Variants in PIAS1 observed in about 807,000 individuals in gnomAD.
The protein encoded by PIAS1 is E3 SUMO-protein ligase PIAS1.
Under a neutral mutation model 71.3 loss-of-function variants are expected in PIAS1, and 6 were observed. The observed-to-expected ratio is 0.08, with a 90% CI of 0.05 to 0.17. PIAS1 has a LOEUF of 0.17. PIAS1 is among the 10% of genes least tolerant of loss of function. The probability of loss-of-function intolerance (pLI) is 1.00; values close to 1 mark genes in which losing one functional copy is unlikely to be tolerated. For synonymous variants in PIAS1, 303 were observed against 292.9 expected (o/e 1.03, Z -0.35); for missense variants, 555 against 793.6 (o/e 0.70, Z 3.61).
chr15:68,111,737 T>G (rs2092524679), intron 2 of PIAS1, among the ~76,000 whole-genome samples: 1 of 152,128 alleles, frequency 6.6e-6, no homozygotes, highest in African/African-American at 2.4e-5. Flanking sequence ...CATTAAGATT[T>G]TATTGTGGAG....
At chr15:68,158,935 A>G (rs1356370476) in intron 7 of PIAS1, among the ~76,000 whole-genome samples, 2 of 152,208 alleles carry the variant, frequency 1.3e-5, no homozygotes, top group Non-Finnish European at 2.9e-5. Flanking sequence ...TGGCTAGTTT[A>G]ACGGATGAGC....
At chr15:68,062,853 T>A (rs1212134779) in intron 1 of PIAS1, among the ~76,000 whole-genome samples, 1 of 152,180 alleles carries the variant, frequency 6.6e-6, no homozygotes, top group Non-Finnish European at 1.5e-5. Context: ...TTTTTTACAA[T>A]AGATAGTGAA....
At chr15:68,092,041 G>A (rs905782742) in intron 2 of PIAS1, among the ~76,000 whole-genome samples, 2 of 152,010 alleles carry the variant, frequency 1.3e-5, no homozygotes, top group African/African-American at 4.8e-5. Flanking sequence ...ACCTTCTCAG[G>A]GGATGTCTTT....
At chr15:68,175,861 C>A in intron 10 of PIAS1, 94 bp downstream of exon 10, 1 of 781,494 alleles carries the variant, frequency 1.3e-6, no homozygotes, top group Non-Finnish European at 1.8e-6. Flanking sequence ...AATCACTGAG[C>A]AGTTTGTGGA....
intron 2 of PIAS1, chr15:68,087,893 G>T: frequency 6.4e-6 from 2 of 313,288 alleles, no homozygotes; most frequent in Non-Finnish European, 1.3e-5. Flanking sequence ...CAAACAACGT[G>T]AGTTTTGTAT....
chr15:68,083,020 G>A (rs978543252), intron 1 of PIAS1, among the ~76,000 whole-genome samples: 1 of 152,068 alleles, frequency 6.6e-6, no homozygotes, highest in Non-Finnish European at 1.5e-5. Flanking sequence ...AAATCCCCTA[G>A]GATTCTGAGA....
At chr15:68,163,974 A>T (rs1416015821) in intron 7 of PIAS1, among the ~76,000 whole-genome samples, 2 of 152,218 alleles carry the variant, frequency 1.3e-5, no homozygotes. Context: ...GATGAGAAGT[A>T]TAAAGAGTCT....
chr15:68,098,378 T>C (rs1055129315), intron 2 of PIAS1, among the ~76,000 whole-genome samples: 19 of 152,102 alleles, frequency 1.2e-4, no homozygotes, highest in African/African-American at 4.4e-4. Context: ...GTTTTCATAC[T>C]TGTTATGTTT....
intron 2 of PIAS1, among the ~76,000 whole-genome samples, chr15:68,087,266 A>G (rs149069165): frequency 2.0e-4 from 30 of 152,306 alleles, no homozygotes; most frequent in Admixed American, 1.6e-3. Flanking sequence ...ATGCACATGC[A>G]CATGCACACT....
intron 8 of PIAS1, among the ~76,000 whole-genome samples, chr15:68,169,667 A>G (rs185333095): frequency 5.9e-5 from 9 of 152,346 alleles, no homozygotes; most frequent in African/African-American, 2.2e-4. Flanking sequence ...GAAGCTGTTT[A>G]ATACTTTGTG....
At chr15:68,063,497 T>C (rs1272447327) in intron 1 of PIAS1, among the ~76,000 whole-genome samples, 1 of 152,224 alleles carries the variant, frequency 6.6e-6, no homozygotes, top group Non-Finnish European at 1.5e-5. Flanking sequence ...TTGTTATTTA[T>C]TAAAGAATTA....
chr15:68,164,628 G>T, intron 7 of PIAS1, 103 bp from the exon 8 acceptor site: 1 of 567,310 alleles, frequency 1.8e-6, no homozygotes. Flanking sequence ...GGAAATAATT[G>T]AACAGATTTG....
Position 68,173,308 on chromosome 15 carries a change from T to C in PIAS1, c.1009-424T>C, listed in dbSNP as rs2093002920. ...AGTTTGAGGCTGTAGTGTGCTACGA[T>C]TGTGCCTGTGAATAAGAGTTGGCAC... On this transcript the variant is annotated intron_variant, in intron 8 of 13. Coordinates refer to ENST00000249636, the MANE Select transcript of PIAS1 (RefSeq NM_016166.3). This position sits in a 1 kb window ranked among gnomAD's most constrained non-coding sequence, Gnocchi z 4.3. Among the ~76,000 whole-genome samples the C allele has an allele frequency of 1.3e-5, 2 of 152,112 alleles. No individual in the cohort carries two copies. Among genetic ancestry groups the C allele is most frequent in the Admixed American group, 6.5e-5 (1 of 15,284 alleles).
intron 2 of PIAS1, among the ~76,000 whole-genome samples, chr15:68,139,510 A>G (rs2092755499): frequency 6.6e-6 from 1 of 152,220 alleles, no homozygotes; most frequent in Admixed American, 6.5e-5. Context: ...CATATAGGAC[A>G]TTCCCAGTAC....
chr15:68,104,084 T>A (rs2092450372), intron 2 of PIAS1, among the ~76,000 whole-genome samples: 1 of 152,192 alleles, frequency 6.6e-6, no homozygotes, highest in South Asian at 2.1e-4. Flanking sequence ...TCTCTCCACA[T>A]CCTTACCAAC....
At chr15:68,127,440 G>T (rs773690178) in intron 2 of PIAS1, among the ~76,000 whole-genome samples, 2 of 152,152 alleles carry the variant, frequency 1.3e-5, no homozygotes, top group African/African-American at 2.4e-5. Flanking sequence ...AGCCCCACTT[G>T]TACAGGTATT....
intron 7 of PIAS1, among the ~76,000 whole-genome samples, chr15:68,160,786 G>A (rs1257306853): frequency 6.6e-6 from 1 of 152,126 alleles, no homozygotes; most frequent in African/African-American, 2.4e-5. Flanking sequence ...CAGCAAAATC[G>A]AGAAGGGAGC....
intron 6 of PIAS1, among the ~76,000 whole-genome samples, chr15:68,147,266 T>C (rs1219461389): frequency 2.0e-5 from 3 of 152,222 alleles, no homozygotes; most frequent in Admixed American, 2.0e-4. Context: ...GTTAACACTA[T>C]TATCTTCTTT....
rs548525063 is a variant in PIAS1 at position 68,191,192 on chromosome 15, G to A, written c.*3357G>A. 1 of 152,632 alleles carries A rather than the reference G, an allele frequency of 6.6e-6. No individual in the cohort carries two copies. The highest frequency in any genetic ancestry group is 2.4e-5 in the African/African-American group (1 of 41,520). 9.5% of individuals were successfully genotyped at this position (152,632 alleles called of 1,614,324 possible). A position where few individuals can be genotyped will look rare whatever the true frequency, so the allele number is the denominator to read the frequency against. On this transcript the variant is annotated 3_prime_UTR_variant, in exon 14 of 14. Coordinates refer to ENST00000249636, the MANE Select transcript of PIAS1 (RefSeq NM_016166.3). ...TGCTGCTGTTAATTGTTTAACAAAGGGGAAAATGTACATAAACAGATAAAG... is the reference window on the plus strand; with the variant it reads ...TGCTGCTGTTAATTGTTTAACAAAGAGGAAAATGTACATAAACAGATAAAG...
Sources: gnomAD v4.1 joint callset for allele counts (sites outside exome capture counted in the v4.1 genomes callset) on GRCh38, gnomAD v4.1.1 for gene constraint, Gnocchi (gnomAD v3.1) non-coding constraint, MANE v1.5 for transcripts, NCBI Gene and HGNC (gene_info 2026-07-23, HGNC 2026-07-21) for gene names.